PCDH11X: variants seen among roughly 807,000 people sequenced by gnomAD.
PCDH11X encodes protocadherin 11 X-linked, also known as protocadherin-11 X-linked.
PCDH11X carries 18 observed loss-of-function variants against 53.3 expected under a neutral mutation model. The observed-to-expected ratio is 0.34, with a 90% CI of 0.23 to 0.50. The LOEUF is 0.50. PCDH11X is among the 20% of genes least tolerant of loss of function. PCDH11X has a pLI of 0.98. For missense variants in PCDH11X, 570 were observed against 1,032.4 expected, an observed-to-expected ratio of 0.55 and a Z score of 6.14; for synonymous variants, 279 against 393.3, an observed-to-expected ratio of 0.71 and a Z score of 3.44.
intron 5 of PCDH11X, among the ~76,000 whole-genome samples, chrX:91,845,777 G>A (rs755541343): frequency 9.0e-6 from 1 of 110,623 alleles, no homozygotes; most frequent in South Asian, 3.8e-4. Flanking sequence ...TTACCTAACT[G>A]CTAAAATGAA....
intron 5 of PCDH11X, among the ~76,000 whole-genome samples, chrX:91,849,117 G>A (rs1937861687): frequency 1.8e-5 from 2 of 110,173 alleles, no homozygotes; most frequent in South Asian, 7.7e-4. Context: ...AAATAATTAT[G>A]GTGATAATAA....
At chrX:92,521,279 G>T (rs2074365460) in intron 10 of PCDH11X, among the ~76,000 whole-genome samples, 1 of 111,758 alleles carries the variant, frequency 8.9e-6, no homozygotes, top group African/African-American at 3.3e-5. Flanking sequence ...TTGATTCATG[G>T]ACTATAGAAT....
At chrX:92,014,524 C>T (rs1342359446) in intron 6 of PCDH11X, among the ~76,000 whole-genome samples, 1 of 108,917 alleles carries the variant, frequency 9.2e-6, no homozygotes, top group Non-Finnish European at 1.9e-5. Context: ...ACCCAGCCAT[C>T]CCATTACTGG....
rs761181105 is a variant in PCDH11X, at chrX:92,340,352, G to A, written c.3145-47383G>A. On this transcript the variant is annotated intron_variant, in intron 8 of 10. Transcript: ENST00000682573. Reference sequence around the variant, plus strand: ...AGCTCCACTAGGCAATGCCCCAGTAGGGACTCTGTGGGGGCTCCAACCCCA... The same window carrying A: ...AGCTCCACTAGGCAATGCCCCAGTAAGGACTCTGTGGGGGCTCCAACCCCA... Among the ~76,000 whole-genome samples the A allele has an allele frequency of 5.4e-5, 6 of 111,781 alleles. No homozygotes were observed. In the South Asian group the frequency reaches 2.3e-3, roughly 43 times the overall value.
At chrX:92,334,692 GC>G (rs1198987534) in intron 8 of PCDH11X, among the ~76,000 whole-genome samples, 1 of 111,337 alleles carries the variant, frequency 9.0e-6, no homozygotes, top group Non-Finnish European at 1.9e-5. Context: ...CAGCTGCATT[GC>G]CCGCCATTTC....
chrX:91,950,194 G>A (rs1205508974), intron 6 of PCDH11X, among the ~76,000 whole-genome samples: 1 of 106,352 alleles, frequency 9.4e-6, no homozygotes, highest in African/African-American at 3.4e-5. Context: ...GTATTTTTTG[G>A]TTACATGGAT....
At chrX:92,084,538 C>CA (rs574981485) in intron 6 of PCDH11X, among the ~76,000 whole-genome samples, 1,130 of 61,842 alleles carry the variant, frequency 0.018, 26 homozygotes, top group African/African-American at 0.045. Flanking sequence ...AACACAGTCT[C>CA]AAAAAAAAAA....
chrX:91,971,353 A>C (rs1454012231), intron 6 of PCDH11X, among the ~76,000 whole-genome samples: 1 of 108,281 alleles, frequency 9.2e-6, no homozygotes, highest in Admixed American at 1.0e-4. Context: ...AGGACACTTG[A>C]CTCTTGTTAA....
chrX:91,851,121 G>A (rs1289161544), intron 5 of PCDH11X, among the ~76,000 whole-genome samples: 2 of 110,040 alleles, frequency 1.8e-5, no homozygotes, highest in African/African-American at 6.6e-5. Context: ...TCAATGTGAT[G>A]CTGATTAATT....
chrX:92,203,049 C>T (rs777993762), intron 7 of PCDH11X, among the ~76,000 whole-genome samples: 2 of 111,252 alleles, frequency 1.8e-5, no homozygotes, highest in Admixed American at 9.6e-5. Flanking sequence ...GTTAGAAGGC[C>T]AATGTCCAGA....
At chrX:91,873,923 C>T (rs1250034410) in intron 5 of PCDH11X, among the ~76,000 whole-genome samples, 1 of 110,830 alleles carries the variant, frequency 9.0e-6, no homozygotes, top group African/African-American at 3.3e-5. Flanking sequence ...CCGTTAGTGT[C>T]AATACCATCA....
chrX:91,969,580 A>T (rs35134143), intron 6 of PCDH11X, among the ~76,000 whole-genome samples: 1 of 110,165 alleles, frequency 9.1e-6, no homozygotes, highest in African/African-American at 3.3e-5. Context: ...TGGGAGGGTC[A>T]CTTGAGCCCA....
At chrX:92,224,658 G>A (rs760641851) in intron 7 of PCDH11X, among the ~76,000 whole-genome samples, 1 of 111,627 alleles carries the variant, frequency 9.0e-6, no homozygotes, top group Admixed American at 9.5e-5. Context: ...AATGTTGCCT[G>A]CCCACTTGTG....
intron 9 of PCDH11X, among the ~76,000 whole-genome samples, chrX:92,445,634 C>A (rs1035397139): frequency 3.7e-5 from 4 of 108,678 alleles, no homozygotes; most frequent in African/African-American, 1.3e-4. Flanking sequence ...AAGTCTAAAA[C>A]CGATTTTAAA....
rs553977620 is a variant in PCDH11X at position 92,019,355 on chromosome X, T to C, written c.3033+140082T>C. 3.7e-5 allele frequency among the ~76,000 whole-genome samples: 4 copies of C among 109,319 alleles called. No homozygotes were observed. In the South Asian group the frequency reaches 1.6e-3, roughly 45 times the overall value. 94.9% of individuals were successfully genotyped at this position (109,319 alleles called of 115,157 possible). A position where few individuals can be genotyped will look rare whatever the true frequency, so the allele number is the denominator to read the frequency against. On this transcript the variant is annotated intron_variant, in intron 6 of 10. Coordinates refer to ENST00000682573, the MANE Select transcript of PCDH11X (RefSeq NM_032968.5). ...TTCAGGACCTGAACTTAACACTATA[T>C]CAAGTGGACCTGATAGACATCTACA...
intron 6 of PCDH11X, among the ~76,000 whole-genome samples, chrX:92,106,431 T>C (rs2064385803): frequency 8.9e-6 from 1 of 112,138 alleles, no homozygotes; most frequent in Non-Finnish European, 1.9e-5. Flanking sequence ...CTTAGCAAAG[T>C]AATTATTGCA....
At chrX:92,266,470 A>G (rs2067832598) in intron 8 of PCDH11X, among the ~76,000 whole-genome samples, 1 of 112,100 alleles carries the variant, frequency 8.9e-6, no homozygotes, top group Non-Finnish European at 1.9e-5. Flanking sequence ...AAATGACTTC[A>G]AAGTACTCAC....
At chrX:92,603,794 G>C (rs2556813) in intron 10 of PCDH11X, among the ~76,000 whole-genome samples, 3,560 of 81,767 alleles carry the variant, frequency 0.044, 200 homozygotes, top group African/African-American at 0.065. Context: ...AAGTCAGAGA[G>C]TCAAGATAGT....
intron 8 of PCDH11X, among the ~76,000 whole-genome samples, chrX:92,263,459 TA>T (rs1465746104): frequency 8.9e-6 from 1 of 111,771 alleles, no homozygotes. Flanking sequence ...ATGCTAACAA[TA>T]AAAAAAGGAA....
Sources: allele counts gnomAD v4.1 joint callset (sites outside exome capture counted in the v4.1 genomes callset), GRCh38; gene constraint gnomAD v4.1.1; transcripts MANE v1.5; gene names NCBI Gene and HGNC (gene_info 2026-07-23, HGNC 2026-07-21).